DIAPH3: variants seen among roughly 807,000 people sequenced by gnomAD.
DIAPH3 encodes the protein protein diaphanous homolog 3.
A neutral mutation model predicts 144.3 loss-of-function variants in DIAPH3; 117 were observed. That is an observed-to-expected ratio of 0.81 (90% CI 0.70 to 0.95). The LOEUF is 0.95. DIAPH3 is among the 40% of genes least tolerant of loss of function. The probability of loss-of-function intolerance (pLI) is 0.00; values close to 1 mark genes in which losing one functional copy is unlikely to be tolerated. For synonymous variants in DIAPH3, 519 were observed against 488.9 expected (o/e 1.06, Z -0.81); for missense variants, 1,421 against 1,412.7 (o/e 1.01, Z -0.09).
chr13:59,744,316 T>C (rs939120504), intron 27 of DIAPH3, among the ~76,000 whole-genome samples: 2 of 152,128 alleles, frequency 1.3e-5, no homozygotes, highest in African/African-American at 4.8e-5. Flanking sequence ...TGAGTAGAAA[T>C]AATATCCACC....
intron 17 of DIAPH3, among the ~76,000 whole-genome samples, chr13:59,953,249 G>A (rs1359465941): frequency 6.6e-6 from 1 of 152,088 alleles, no homozygotes; most frequent in East Asian, 1.9e-4. Flanking sequence ...TGGCATATCT[G>A]GGGTACATCA....
chr13:59,774,616 G>C, intron 26 of DIAPH3, 112 bp downstream of exon 26: 2 of 1,002,990 alleles, frequency 2.0e-6, no homozygotes, highest in Non-Finnish European at 3.1e-6. Context: ...CTGAACAGTT[G>C]TTGCCCACGG....
At chr13:59,761,680 G>C (rs181811611) in intron 27 of DIAPH3, among the ~76,000 whole-genome samples, 3 of 152,130 alleles carry the variant, frequency 2.0e-5, no homozygotes, top group Admixed American at 6.5e-5. Context: ...TCACTCCTTA[G>C]GAGTGTACAC....
chr13:59,992,221 T>A lies in DIAPH3; in HGVS notation c.1126-35A>T, dbSNP rs780495148. The A allele has an allele frequency of 1.4e-5, 21 of 1,536,290 alleles. No individual in the cohort carries two copies. The African/African-American group carries it at 2.9e-4, about 21-fold the overall frequency. The stretch of plus-strand genomic sequence containing the variant: ...TGAAATAGAAATTATGATGAATGAT[T>A]TTGTTTTTAATTATGCAAAAGAATA... On this transcript the variant is annotated intron_variant, in intron 10 of 27. Coordinates refer to ENST00000400324, the MANE Select transcript of DIAPH3 (RefSeq NM_001042517.2).
chr13:59,829,114 C>A (rs747183501), intron 24 of DIAPH3, among the ~76,000 whole-genome samples: 2 of 151,996 alleles, frequency 1.3e-5, no homozygotes, highest in East Asian at 1.9e-4. Context: ...ACATATTAGT[C>A]GTGAGATTCT....
intron 4 of DIAPH3, among the ~76,000 whole-genome samples, chr13:60,082,442 GA>G (rs1054678683): frequency 1.4e-4 from 21 of 151,550 alleles, no homozygotes; most frequent in African/African-American, 5.1e-4. Flanking sequence ...CTGCATACTT[GA>G]TAATCCTAAC....
chr13:59,801,962 T>C (rs1185539603), intron 25 of DIAPH3, among the ~76,000 whole-genome samples: 3 of 152,174 alleles, frequency 2.0e-5, no homozygotes, highest in Non-Finnish European at 4.4e-5. Context: ...AGTTGTTTTT[T>C]TTCCCCCTCT....
At chr13:60,043,833 A>C (rs772547265) in intron 4 of DIAPH3, among the ~76,000 whole-genome samples, 62 of 152,344 alleles carry the variant, frequency 4.1e-4, no homozygotes, top group Middle Eastern at 3.4e-3. Context: ...TTGCACTGTA[A>C]ATAATAAATG....
At chr13:59,795,374 G>A (rs960281684) in intron 25 of DIAPH3, among the ~76,000 whole-genome samples, 16 of 151,860 alleles carry the variant, frequency 1.1e-4, no homozygotes, top group Admixed American at 9.8e-4. Context: ...TGGCCACCAA[G>A]GAAAATGGCA....
intron 17 of DIAPH3, among the ~76,000 whole-genome samples, chr13:59,932,865 T>C (rs1321795414): frequency 6.6e-6 from 1 of 152,166 alleles, no homozygotes; most frequent in African/African-American, 2.4e-5. Flanking sequence ...AAATACTTTT[T>C]TGTTGATATG....
chr13:59,713,039 G>A (rs1192097144), intron 27 of DIAPH3, among the ~76,000 whole-genome samples: 1 of 152,144 alleles, frequency 6.6e-6, no homozygotes, highest in African/African-American at 2.4e-5. Context: ...GACAGGAGGC[G>A]GAGCTCAGTG....
chr13:59,782,916 A>C (rs940036944), intron 25 of DIAPH3, among the ~76,000 whole-genome samples: 2 of 152,172 alleles, frequency 1.3e-5, no homozygotes, highest in African/African-American at 4.8e-5. Context: ...TATGAGTAGG[A>C]AGAGATAACA....
At chr13:60,007,258 C>T (rs2140928387) in intron 9 of DIAPH3, among the ~76,000 whole-genome samples, 2 of 152,166 alleles carry the variant, frequency 1.3e-5, no homozygotes, top group East Asian at 3.9e-4. Context: ...ACCATGTTGG[C>T]CAGGCTGGTC....
intron 4 of DIAPH3, among the ~76,000 whole-genome samples, chr13:60,068,311 A>G (rs1411754958): frequency 6.6e-6 from 1 of 152,208 alleles, no homozygotes; most frequent in African/African-American, 2.4e-5. Context: ...GCTATATTAC[A>G]TCACAGTTCC....
chr13:59,771,797 C>T (rs1206483958), intron 27 of DIAPH3, among the ~76,000 whole-genome samples: 1 of 152,038 alleles, frequency 6.6e-6, no homozygotes, highest in Non-Finnish European at 1.5e-5. Flanking sequence ...AATATTGACT[C>T]TCTGATAGAA....
At chr13:59,869,719 T>C (rs546638838) in intron 21 of DIAPH3, among the ~76,000 whole-genome samples, 1 of 152,344 alleles carries the variant, frequency 6.6e-6, no homozygotes, top group African/African-American at 2.4e-5. Context: ...TATCTTTAAA[T>C]AGTCAATATA....
At chr13:59,732,994 T>C (rs1309493778) in intron 27 of DIAPH3, among the ~76,000 whole-genome samples, 1 of 152,134 alleles carries the variant, frequency 6.6e-6, no homozygotes, top group African/African-American at 2.4e-5. Context: ...GGTAGAGGTG[T>C]GTGTGTGTAT....
At chr13:59,811,054 A>T in intron 24 of DIAPH3, 131 bp from the exon 25 acceptor site, 1 of 839,426 alleles carries the variant, frequency 1.2e-6, no homozygotes, top group Non-Finnish European at 1.8e-6. Flanking sequence ...TATGTTAGTA[A>T]TACAGTCTTC....
intron 27 of DIAPH3, among the ~76,000 whole-genome samples, chr13:59,712,470 T>C (rs966085077): frequency 6.6e-6 from 1 of 152,224 alleles, no homozygotes; most frequent in Non-Finnish European, 1.5e-5. Context: ...GGTTGAACTT[T>C]GGCCTAAGCT....
Sources: gnomAD v4.1 joint callset for allele counts (sites outside exome capture counted in the v4.1 genomes callset) on GRCh38, gnomAD v4.1.1 for gene constraint, MANE v1.5 for transcripts, NCBI Gene and HGNC (gene_info 2026-07-23, HGNC 2026-07-21) for gene names.